FLT3: variants seen among roughly 807,000 people sequenced by gnomAD.
The protein encoded by FLT3 is fms related receptor tyrosine kinase 3, also known as receptor-type tyrosine-protein kinase FLT3.
FLT3 carries 46 observed loss-of-function variants against 126.6 expected under a neutral mutation model. The observed-to-expected ratio is 0.36, with a 90% confidence interval of 0.29 to 0.46. FLT3 has a LOEUF of 0.46. Among genes scored for constraint, FLT3 ranks in the 20% least tolerant of loss-of-function variants. The pLI, the probability that FLT3 is intolerant of heterozygous loss-of-function variation, is 1.00. For synonymous variants in FLT3, 404 were observed against 434.4 expected (o/e 0.93, Z 0.87); for missense variants, 1,069 against 1,190.3 (o/e 0.90, Z 1.50).
chr13:28,069,551 A>C (rs998469267), intron 2 of FLT3, among the ~76,000 whole-genome samples: 1 of 152,188 alleles, frequency 6.6e-6, no homozygotes, highest in Non-Finnish European at 1.5e-5. Context: ...GGCTTGGAAG[A>C]AAAGCCAGGA....
intron 4 of FLT3, among the ~76,000 whole-genome samples, chr13:28,055,656 A>T (rs1157111363): frequency 4.6e-5 from 7 of 152,196 alleles, no homozygotes; most frequent in African/African-American, 1.4e-4. Flanking sequence ...GTTATAATTT[A>T]CCTGAATAAC....
At chr13:28,048,160 A>G in intron 9 of FLT3, 115 bp downstream of exon 9, 1 of 752,308 alleles carries the variant, frequency 1.3e-6, no homozygotes, top group Non-Finnish European at 2.2e-6. Flanking sequence ...CAACTCAATA[A>G]TAGTTAAACT....
intron 2 of FLT3, among the ~76,000 whole-genome samples, chr13:28,068,765 C>T (rs1463616236): frequency 6.6e-6 from 1 of 151,952 alleles, no homozygotes; most frequent in African/African-American, 2.4e-5. Flanking sequence ...TTGATAGACA[C>T]GGGGTTTCAC....
chr13:28,034,173 G>A lies in FLT3; in HGVS notation c.1746C>T (p.Thr582=), dbSNP rs146980710. The A allele has an allele frequency of 3.7e-5, 59 of 1,613,672 alleles. No individual in the cohort carries two copies. The African/African-American group carries it at 4.1e-4, about 11-fold the overall frequency. Residue 582 remains threonine, a synonymous_variant, in exon 14 of 24, where the codon ACC becomes ACT. Transcript: ENST00000241453. ...YESQLQMVQV[T]GSSDNEYFYV... is the part of the protein sequence containing the mutation. ...AGAAGTACTCATTATCTGAGGAGCC[G>A]GTCACCTGTACCATCTGTAGCTGGC...
chr13:28,025,041 T>A, intron 17 of FLT3, 98 bp from the exon 18 acceptor site: 1 of 736,622 alleles, frequency 1.4e-6, no homozygotes, highest in South Asian at 1.7e-5. Context: ...ATTCCAGTTA[T>A]AAATTGACTT....
At chr13:28,086,348 A>C (rs1158776559) in intron 1 of FLT3, among the ~76,000 whole-genome samples, 2 of 152,160 alleles carry the variant, frequency 1.3e-5, no homozygotes, top group African/African-American at 4.8e-5. Context: ...TTCGTATCTA[A>C]TACTAGGACC....
chr13:28,062,214 T>C, intron 2 of FLT3, 145 bp from the exon 3 acceptor site: 1 of 618,080 alleles, frequency 1.6e-6, no homozygotes, highest in Non-Finnish European at 2.9e-6. Context: ...GAGAACACGT[T>C]GCCGACTGAA....
In FLT3 at chr13:28,037,121, T is replaced by G; in HGVS notation, c.1309+64A>C. The G allele has an allele frequency of 3.1e-6, 3 of 972,572 alleles. No homozygotes were observed. The South Asian group carries it at 4.0e-5, about 13-fold the overall frequency. 60.2% of individuals were successfully genotyped at this position (972,572 alleles called of 1,614,324 possible). On this transcript the variant is annotated intron_variant, in intron 10 of 23. Coordinates refer to ENST00000241453, the MANE Select transcript of FLT3 (RefSeq NM_004119.3). ...TAAGCCATTACTTAACTTTTCCTAG[T>G]TAAGACTAATAAAAAATTAAGGAAT...
chr13:28,058,918 G>A (rs1404871843), intron 3 of FLT3, among the ~76,000 whole-genome samples: 1 of 152,178 alleles, frequency 6.6e-6, no homozygotes, highest in Non-Finnish European at 1.5e-5. Flanking sequence ...GAGGTAGGAG[G>A]ATCACTTGAG....
intron 16 of FLT3, 129 bp from the exon 17 acceptor site, chr13:28,027,370 C>A (rs1872902397): frequency 1.7e-6 from 1 of 584,806 alleles, no homozygotes; most frequent in Middle Eastern, 4.9e-4. Flanking sequence ...ACAACTTTTT[C>A]TGAGCCTAGC....
intron 2 of FLT3, among the ~76,000 whole-genome samples, chr13:28,062,470 C>T (rs533252058): frequency 5.3e-5 from 8 of 151,988 alleles, no homozygotes; most frequent in South Asian, 4.2e-4. Flanking sequence ...AGGCAGGGCA[C>T]GGTGGCTCAC....
chr13:28,052,311 G>T (rs1299201345), intron 5 of FLT3, among the ~76,000 whole-genome samples: 2 of 151,374 alleles, frequency 1.3e-5, no homozygotes, highest in Admixed American at 1.3e-4. Context: ...GGCCAGGCTG[G>T]TCTCAAACTC....
chr13:28,035,558 C>A lies in FLT3; in HGVS notation c.1534G>T (p.Val512Phe), dbSNP rs748392919. 1 of 1,614,162 alleles carries A rather than the reference C, an allele frequency of 6.2e-7. No homozygotes were observed. Among genetic ancestry groups the A allele is most frequent in the Non-Finnish European group, 8.5e-7 (1 of 1,180,020 alleles). Reference sequence around the variant, plus strand: ...AGGGAATTGTATGCACAGCACTTGACCAGGAACCCTTTTATGGCTTCACTC... The same window carrying A: ...AGGGAATTGTATGCACAGCACTTGAACAGGAACCCTTTTATGGCTTCACTC... ...NMSEAIKGFL[V>F]KCCAYNSLGT... The change falls in exon 12 of 24, where the codon GTC (valine) becomes TTC (phenylalanine). Residue 512 changes from valine (V) to phenylalanine (F), a missense_variant. Val to Phe is a conservative substitution (Grantham distance 50). Transcript: ENST00000241453.
chr13:28,076,450 C>T (rs1056924147), intron 1 of FLT3, among the ~76,000 whole-genome samples: 3 of 152,104 alleles, frequency 2.0e-5, no homozygotes, highest in African/African-American at 4.8e-5. Context: ...AAGCCAGTAA[C>T]GTGTCCCAGT....
rs11408684 is a variant in FLT3, at chr13:28,070,991, CTTTTTTTTTTT to C, written c.44-390_44-380del. On this transcript the variant is annotated intron_variant, in intron 1 of 23. Coordinates refer to ENST00000241453, the MANE Select transcript of FLT3 (RefSeq NM_004119.3). ...CTTTTTATTGTATATAGATTTCTAC[CTTTTTTTTTTT>C]TTTTTTTTTTGAGATGGAGTCTCGC... Among the ~76,000 whole-genome samples the C allele has an allele frequency of 9.3e-3, 844 of 90,922 alleles. 14 individuals are homozygous for C. The highest frequency in any genetic ancestry group is 0.035 in the African/African-American group (801 of 22,704). The allele number at this position is 90,922 out of a possible 152,430, so 59.6% of individuals were successfully genotyped here. A position where few individuals can be genotyped will look rare whatever the true frequency, so the allele number is the denominator to read the frequency against.
At chr13:28,037,452 T>A (rs999104382) in intron 9 of FLT3, among the ~76,000 whole-genome samples, 164 bp from the exon 10 acceptor site, 1 of 152,184 alleles carries the variant, frequency 6.6e-6, no homozygotes, top group East Asian at 1.9e-4. Context: ...ACTCAAAGTG[T>A]GGTCCACAGA....
intron 1 of FLT3, among the ~76,000 whole-genome samples, chr13:28,098,507 T>C (rs1397486188): frequency 6.6e-6 from 1 of 152,148 alleles, no homozygotes; most frequent in Admixed American, 6.6e-5. Context: ...GGAACTGCCA[T>C]ACACTGCTAG....
At chr13:28,094,690 T>C (rs1879342930) in intron 1 of FLT3, among the ~76,000 whole-genome samples, 1 of 152,120 alleles carries the variant, frequency 6.6e-6, no homozygotes, top group African/African-American at 2.4e-5. Context: ...TTGTAGAGAC[T>C]GGGTCTCGCT....
intron 15 of FLT3, 127 bp from the exon 16 acceptor site, chr13:28,028,415 A>C: frequency 3.2e-6 from 2 of 621,430 alleles, no homozygotes; most frequent in South Asian, 3.8e-5. Context: ...TTATGAGAGA[A>C]GCCAGGCATG....
Sources: allele counts gnomAD v4.1 joint callset (sites outside exome capture counted in the v4.1 genomes callset), GRCh38; gene constraint gnomAD v4.1.1; transcripts MANE v1.5; gene names NCBI Gene and HGNC (gene_info 2026-07-23, HGNC 2026-07-21).